TLN2: variants seen among roughly 807,000 people sequenced by gnomAD.
TLN2 encodes the protein talin 2.
TLN2 carries 118 observed loss-of-function variants against 294.7 expected under a neutral mutation model. The observed-to-expected ratio is 0.40, with a 90% CI of 0.34 to 0.47. The LOEUF is 0.47. Among genes scored for constraint, TLN2 ranks in the 20% least tolerant of loss-of-function variants. The pLI, the probability that TLN2 is intolerant of heterozygous loss-of-function variation, is 0.84. For synonymous variants in TLN2, 1,431 were observed against 1,304.5 expected (o/e 1.10, Z -2.09); for missense variants, 3,083 against 3,282.2 (o/e 0.94, Z 1.48).
At chr15:62,398,424 T>C (rs113772090) in intron 1 of TLN2, among the ~76,000 whole-genome samples, 1,638 of 151,868 alleles carry the variant, frequency 0.011, 31 homozygotes, top group African/African-American at 0.038. Context: ...GGTAATAGAG[T>C]AAATTGGTAC....
intron 11 of TLN2, among the ~76,000 whole-genome samples, chr15:62,678,573 G>A (rs575481218): frequency 4.1e-4 from 62 of 152,036 alleles, no homozygotes; most frequent in African/African-American, 1.5e-3. Context: ...GCTCACGCCT[G>A]TAATCCCAGC....
At chr15:62,540,576 G>T (rs2165559) in intron 1 of TLN2, among the ~76,000 whole-genome samples, 73,861 of 151,774 alleles carry the variant, frequency 0.49, 19,158 homozygotes, top group African/African-American at 0.68. Flanking sequence ...ATGGGTGGTG[G>T]TGAAGAAGGC....
intron 11 of TLN2, among the ~76,000 whole-genome samples, chr15:62,683,700 C>T (rs1273689543): frequency 6.6e-6 from 1 of 152,198 alleles, no homozygotes; most frequent in Non-Finnish European, 1.5e-5. Flanking sequence ...ATCACAGCTA[C>T]AGCTCTTTGT....
At chr15:62,406,128 G>A (rs529372417) in intron 1 of TLN2, among the ~76,000 whole-genome samples, 1 of 152,336 alleles carries the variant, frequency 6.6e-6, no homozygotes, top group East Asian at 1.9e-4. Context: ...TTCTAGAGCT[G>A]CTGTAACAAA....
At chr15:62,474,229 A>C (rs1275470541) in intron 1 of TLN2, among the ~76,000 whole-genome samples, 1 of 152,258 alleles carries the variant, frequency 6.6e-6, no homozygotes, top group Non-Finnish European at 1.5e-5. Flanking sequence ...CAGAGGGCTC[A>C]TGAATCCTTG....
At chr15:62,648,028 GTCTT>G (rs1411366289) in intron 4 of TLN2, among the ~76,000 whole-genome samples, 1 of 151,972 alleles carries the variant, frequency 6.6e-6, no homozygotes, top group Non-Finnish European at 1.5e-5. Flanking sequence ...CTCTCAATTT[GTCTT>G]TCTTTTATTT....
In TLN2 at chr15:62,510,717, G is replaced by C. The variant is rs2039885750; in HGVS notation, c.-237-78970G>C. Among the ~76,000 whole-genome samples the C allele has an allele frequency of 2.0e-5, 3 of 152,310 alleles. No homozygotes were observed. The South Asian group carries it at 6.2e-4, about 32-fold the overall frequency. On this transcript the variant is annotated intron_variant, in intron 1 of 58. Coordinates refer to ENST00000636159, the MANE Select transcript of TLN2 (RefSeq NM_015059.3). ...GCTGACCTTGCAGGAGAGACAGTGA[G>C]TGCCTGGGCACCAAGCAGTGCCCTT...
intron 43 of TLN2, among the ~76,000 whole-genome samples, chr15:62,779,620 T>C (rs2063974243): frequency 6.6e-6 from 1 of 152,256 alleles, no homozygotes; most frequent in Admixed American, 6.5e-5. Context: ...AGCTCCAGCA[T>C]CCTGGCATGT....
chr15:62,730,817 C>T (rs960435787), intron 28 of TLN2, among the ~76,000 whole-genome samples: 3 of 152,064 alleles, frequency 2.0e-5, no homozygotes, highest in African/African-American at 7.2e-5. Flanking sequence ...CATATTTATC[C>T]TCCTTTGGGT....
rs2058026176 is a variant in TLN2, at chr15:62,692,722, G to C, written c.1114-118G>C. The C allele has an allele frequency of 1.1e-5, 8 of 710,206 alleles. No homozygotes were observed. In the South Asian group the frequency reaches 1.4e-4, roughly 12 times the overall value. 44.0% of individuals were successfully genotyped at this position (710,206 alleles called of 1,614,324 possible). On this transcript the variant is annotated intron_variant, in intron 12 of 58. Coordinates refer to ENST00000636159, the MANE Select transcript of TLN2 (RefSeq NM_015059.3). The stretch of plus-strand genomic sequence containing the variant: ...ATTTTAGGATATTCATTTGTATTTA[G>C]AGAGGAGGAGCAGGGAAAATGAAGT...
intron 1 of TLN2, among the ~76,000 whole-genome samples, chr15:62,436,035 A>G (rs925266251): frequency 3.3e-5 from 5 of 152,108 alleles, no homozygotes; most frequent in African/African-American, 4.8e-5. Flanking sequence ...CTCTATCAGG[A>G]TGTTTCTTGT....
intron 1 of TLN2, among the ~76,000 whole-genome samples, chr15:62,576,997 G>C (rs2044476593): frequency 6.6e-6 from 1 of 152,152 alleles, no homozygotes; most frequent in Non-Finnish European, 1.5e-5. Flanking sequence ...GTGCCACCAG[G>C]AATCAACTAA....
At position 62,466,785 on chromosome 15, in the gene TLN2, C is replaced by G. The variant is rs182468069; in HGVS notation, c.-238+76100C>G. On this transcript the variant is annotated intron_variant, in intron 1 of 58. Coordinates refer to ENST00000636159, the MANE Select transcript of TLN2 (RefSeq NM_015059.3). ...TTGTGTTTGGGTTGACAGTTTTCCC[C>G]TAAGGAGATTTGATTTTGGTTTTAT... 2.6e-3 allele frequency among the ~76,000 whole-genome samples: 389 copies of G among 152,310 alleles called. 2 individuals are homozygous for G. The highest frequency in any genetic ancestry group is 5.2e-3 in the South Asian group (25 of 4,822).
At chr15:62,704,534 T>G (rs1279895093) in intron 19 of TLN2, among the ~76,000 whole-genome samples, 1 of 152,234 alleles carries the variant, frequency 6.6e-6, no homozygotes, top group Non-Finnish European at 1.5e-5. Context: ...ATAGATGTGT[T>G]TGTTTCTCCT....
intron 34 of TLN2, among the ~76,000 whole-genome samples, chr15:62,751,125 C>T (rs544875250): frequency 2.0e-5 from 3 of 152,030 alleles, no homozygotes; most frequent in Admixed American, 2.0e-4. Context: ...ACATAAAAGG[C>T]TCCTTAGTGG....
At chr15:62,824,992 A>G (rs1271151904) in intron 54 of TLN2, among the ~76,000 whole-genome samples, 1 of 152,232 alleles carries the variant, frequency 6.6e-6, no homozygotes, top group African/African-American at 2.4e-5. Flanking sequence ...TCATTGCCAC[A>G]TTGCTTACAG....
rs116004410 is a variant in TLN2 at position 62,391,293 on chromosome 15, A to G, written c.-238+608A>G. Among the ~76,000 whole-genome samples, 857 of 152,286 alleles carry G rather than the reference A, an allele frequency of 5.6e-3. 7 individuals carry two copies. Among genetic ancestry groups the G allele is most frequent in the African/African-American group, 0.02 (826 of 41,566 alleles). On this transcript the variant is annotated intron_variant, in intron 1 of 58. Coordinates refer to ENST00000636159, the MANE Select transcript of TLN2 (RefSeq NM_015059.3). ...CCTGCCGATCCCACGACTGCCCTTT[A>G]CTTGGCAATCTCGCCACGGGCGAAC...
chr15:62,565,474 A>C (rs1302021833), intron 1 of TLN2, among the ~76,000 whole-genome samples: 1 of 152,220 alleles, frequency 6.6e-6, no homozygotes, highest in Non-Finnish European at 1.5e-5. Context: ...ATGGATATTT[A>C]AGAGCAGCAA....
chr15:62,731,193 T>G (rs1437070662), intron 28 of TLN2, among the ~76,000 whole-genome samples: 1 of 152,198 alleles, frequency 6.6e-6, no homozygotes, highest in Non-Finnish European at 1.5e-5. Context: ...TGTCATCTAA[T>G]TTCTTCAACA....
Sources: allele counts gnomAD v4.1 joint callset (sites outside exome capture counted in the v4.1 genomes callset), GRCh38; gene constraint gnomAD v4.1.1; transcripts MANE v1.5; gene names NCBI Gene and HGNC (gene_info 2026-07-23, HGNC 2026-07-21).